The following LARGE1 variants were observed in gnomAD, a reference collection of about 807,000 sequenced individuals.
LARGE1 encodes xylosyl- and glucuronyltransferase LARGE1.
LARGE1 carries 43 observed loss-of-function variants against 87.6 expected under a neutral mutation model. The ratio of observed to expected loss-of-function variants is 0.49; its 90% CI spans 0.38 to 0.63. The LOEUF (loss-of-function observed/expected upper bound fraction) is 0.63. LARGE1 is among the 30% of genes least tolerant of loss of function. LARGE1 has a pLI of 0.00. For missense variants in LARGE1, 802 were observed against 1,000.2 expected, an observed-to-expected ratio of 0.80 and a Z score of 2.67; for synonymous variants, 434 against 394.6, an observed-to-expected ratio of 1.10 and a Z score of -1.18.
intron 7 of LARGE1, among the ~76,000 whole-genome samples, chr22:33,403,514 C>G (rs1439760081): frequency 2.0e-5 from 3 of 152,168 alleles, no homozygotes; most frequent in Non-Finnish European, 4.4e-5. Flanking sequence ...GCTGGTTCTG[C>G]AGTGTTGTAA....
At chr22:33,678,735 G>A (rs528739992) in intron 2 of LARGE1, among the ~76,000 whole-genome samples, 2 of 152,234 alleles carry the variant, frequency 1.3e-5, no homozygotes, top group East Asian at 1.9e-4. Context: ...CACCCTCCAC[G>A]AATGAGAGCA....
intron 6 of LARGE1, 66 bp from the exon 7 acceptor site, chr22:33,432,331 T>TG: frequency 8.3e-7 from 1 of 1,200,862 alleles, no homozygotes; most frequent in South Asian, 1.2e-5. Context: ...CAGTGACTAT[T>TG]GAAGACACAG....
chr22:33,565,062 A>C, intron 5 of LARGE1, 43 bp from the exon 6 acceptor site: 2 of 1,563,180 alleles, frequency 1.3e-6, no homozygotes, highest in Non-Finnish European at 1.8e-6. Flanking sequence ...AAAGGGAAAA[A>C]AAATTGCTAT....
intron 1 of LARGE1, among the ~76,000 whole-genome samples, chr22:33,915,186 T>C (rs2065751664): frequency 6.6e-6 from 1 of 152,186 alleles, no homozygotes; most frequent in Non-Finnish European, 1.5e-5. Flanking sequence ...CTAATATCCT[T>C]CAGGCAGTTA....
chr22:33,451,707 C>T lies in LARGE1; in HGVS notation c.788-19442G>A, dbSNP rs530445231. Reference sequence around the variant, plus strand: ...CCGAGTAGCTGGGATTACAGGCACGCACCACCACACCCAGCTAATTTTTGA... The same window carrying T: ...CCGAGTAGCTGGGATTACAGGCACGTACCACCACACCCAGCTAATTTTTGA... On this transcript the variant is annotated intron_variant, in intron 6 of 14. Coordinates refer to ENST00000397394, the MANE Select transcript of LARGE1 (RefSeq NM_133642.5). 1.3e-4 allele frequency among the ~76,000 whole-genome samples: 20 copies of T among 150,052 alleles called. No individual in the cohort carries two copies. In the South Asian group the frequency reaches 3.0e-3, roughly 23 times the overall value.
chr22:33,654,372 C>CG (rs548830412), intron 2 of LARGE1, among the ~76,000 whole-genome samples: 174 of 152,288 alleles, frequency 1.1e-3, no homozygotes, highest in African/African-American at 4.1e-3. Flanking sequence ...TTCTGAAAGG[C>CG]GGGGCCCTGG....
chr22:33,104,480 T>C, the LARGE1 span, among the ~76,000 whole-genome samples: 1 of 152,134 alleles, frequency 6.6e-6, no homozygotes, highest in Non-Finnish European at 1.5e-5. Context: ...AAATGCTGCA[T>C]TGGAGAGATG....
chr22:33,252,818 A>G (rs1057361330), intron 11 of LARGE1, among the ~76,000 whole-genome samples: 1 of 152,192 alleles, frequency 6.6e-6, no homozygotes, highest in Non-Finnish European at 1.5e-5. Flanking sequence ...AAAGAACAGA[A>G]TTTAGGAGAC....
At chr22:33,452,750 A>G (rs1473384844) in intron 6 of LARGE1, among the ~76,000 whole-genome samples, 1 of 152,216 alleles carries the variant, frequency 6.6e-6, no homozygotes, top group Non-Finnish European at 1.5e-5. Flanking sequence ...ACGCTCCCTT[A>G]GCTCAGAGGT....
chr22:33,837,720 T>C (rs1383902381), intron 1 of LARGE1, among the ~76,000 whole-genome samples: 7 of 152,216 alleles, frequency 4.6e-5, no homozygotes, highest in African/African-American at 7.2e-5. Flanking sequence ...CTGAAGCCTA[T>C]GGCCAGAGCC....
chr22:33,517,574 G>A (rs906747071), intron 6 of LARGE1, among the ~76,000 whole-genome samples: 1 of 151,666 alleles, frequency 6.6e-6, no homozygotes, highest in African/African-American at 2.4e-5. Context: ...GGCTAATTTT[G>A]TATTTTTAGT....
chr22:33,339,154 T>TAAA (rs1182760420), intron 9 of LARGE1, among the ~76,000 whole-genome samples: 9 of 99,010 alleles, frequency 9.1e-5, no homozygotes, highest in South Asian at 3.4e-4. Context: ...TCTCAAAAAA[T>TAAA]AAAAAAAAAA....
At chr22:33,731,009 T>TC (rs1260330808) in intron 2 of LARGE1, among the ~76,000 whole-genome samples, 1 of 149,408 alleles carries the variant, frequency 6.7e-6, no homozygotes, top group Non-Finnish European at 1.5e-5. Flanking sequence ...ATTTTTTTTT[T>TC]TTTTTTTTTT....
At position 33,815,257 on chromosome 22, in the gene LARGE1, T is replaced by C. The variant is rs116143182; in HGVS notation, c.-82-53699A>G. ...AGGAGAACTGAAGAAGGGCAGAAGC[T>C]AGAACTTCCTCCGGTCCTCATCACC... On this transcript the variant is annotated intron_variant, in intron 1 of 14. Transcript: ENST00000397394. 5.9e-3 allele frequency among the ~76,000 whole-genome samples: 896 copies of C among 152,280 alleles called. 10 individuals are homozygous for C. Among genetic ancestry groups the C allele is most frequent in the African/African-American group, 0.02 (845 of 41,562 alleles).
intron 1 of LARGE1, among the ~76,000 whole-genome samples, chr22:33,831,523 G>T (rs1038952732): frequency 6.6e-6 from 1 of 152,106 alleles, no homozygotes; most frequent in African/African-American, 2.4e-5. Flanking sequence ...CCCTAGGACC[G>T]ATGCCTGCCC....
chr22:33,284,338 A>G (rs1442165676), intron 12 of LARGE1, among the ~76,000 whole-genome samples: 1 of 152,154 alleles, frequency 6.6e-6, no homozygotes, highest in East Asian at 1.9e-4. Flanking sequence ...CCAGACTCCA[A>G]GCCTTTAAAG....
intron 7 of LARGE1, among the ~76,000 whole-genome samples, chr22:33,405,657 T>C (rs1261316246): frequency 6.6e-6 from 1 of 152,224 alleles, no homozygotes; most frequent in African/African-American, 2.4e-5. Context: ...CAGTCTTGAC[T>C]TTGCTGCCGA....
At chr22:33,214,691 A>G (rs1196308302) in intron 11 of LARGE1, among the ~76,000 whole-genome samples, 1 of 152,102 alleles carries the variant, frequency 6.6e-6, no homozygotes, top group African/African-American at 2.4e-5. Flanking sequence ...TGGCTGAGAG[A>G]ATGGTTCCCT....
chr22:33,769,474 A>T (rs909755027), intron 1 of LARGE1, among the ~76,000 whole-genome samples: 1 of 152,190 alleles, frequency 6.6e-6, no homozygotes, highest in Admixed American at 6.5e-5. Context: ...CATATAGACA[A>T]GAAGCTAATC....
Sources: allele counts gnomAD v4.1 joint callset (sites outside exome capture counted in the v4.1 genomes callset), GRCh38; gene constraint gnomAD v4.1.1; transcripts MANE v1.5; gene names NCBI Gene and HGNC (gene_info 2026-07-23, HGNC 2026-07-21).